Variants in LAMA3 observed in about 807,000 individuals in gnomAD.
LAMA3 encodes the protein laminin subunit alpha 3, also known as laminin subunit alpha-3.
LAMA3 carries 281 observed loss-of-function variants against 402.0 expected under a neutral mutation model. The ratio of observed to expected loss-of-function variants is 0.70; its 90% CI spans 0.63 to 0.77. The LOEUF (loss-of-function observed/expected upper bound fraction) is 0.77, where lower values mean the gene tolerates loss of function less well. Ranked by LOEUF, LAMA3 falls within the 30% of genes least tolerant of loss-of-function variation. The probability of loss-of-function intolerance (pLI) is 0.00; values close to 1 mark genes in which losing one functional copy is unlikely to be tolerated. For missense variants in LAMA3, 3,840 were observed against 4,215.5 expected, an observed-to-expected ratio of 0.91 and a Z score of 2.47; for synonymous variants, 1,431 against 1,558.4, an observed-to-expected ratio of 0.92 and a Z score of 1.93.
chr18:23,767,578 C>T (rs371394116), intron 8 of LAMA3, among the ~76,000 whole-genome samples: 20 of 125,758 alleles, frequency 1.6e-4, no homozygotes, highest in Middle Eastern at 4.2e-3. Context: ...TCTTTCTTTT[C>T]TTTTTTTTTT....
chr18:23,767,197 A>G (rs1437452061), intron 8 of LAMA3, among the ~76,000 whole-genome samples: 3 of 152,248 alleles, frequency 2.0e-5, no homozygotes, highest in Non-Finnish European at 2.9e-5. Context: ...ACAACTACAA[A>G]ATACTGACTG....
chr18:23,820,270 T>C (rs2063259569), intron 19 of LAMA3, among the ~76,000 whole-genome samples: 1 of 152,202 alleles, frequency 6.6e-6, no homozygotes, highest in Admixed American at 6.5e-5. Context: ...AGAAAAATAG[T>C]GTTTATCTCT....
chr18:23,927,379 G>T (rs1441053710), intron 62 of LAMA3, among the ~76,000 whole-genome samples: 2 of 152,084 alleles, frequency 1.3e-5, no homozygotes, highest in Admixed American at 1.3e-4. Flanking sequence ...ATGTTGACCA[G>T]CCTGATCTCG....
In LAMA3 at chr18:23,933,767, C is replaced by CT; in HGVS notation, c.8709-14dup. ...CCAAGTTTGGCAGCATCTTTCATTTCTGCTCTTTTTCCAGGTTATCACTGA... is the reference window on the plus strand; with the variant it reads ...CCAAGTTTGGCAGCATCTTTCATTTCTTGCTCTTTTTCCAGGTTATCACTGA... On this transcript the variant is annotated splice_polypyrimidine_tract_variant and intron_variant, in intron 66 of 74. Transcript: ENST00000313654. The CT allele has an allele frequency of 6.2e-7, 1 of 1,613,920 alleles. No individual in the cohort carries two copies. Among genetic ancestry groups the CT allele is most frequent in the East Asian group, 2.2e-5 (1 of 44,890 alleles).
At chr18:23,850,349 T>C (rs1025903659) in intron 32 of LAMA3, among the ~76,000 whole-genome samples, 1 of 152,252 alleles carries the variant, frequency 6.6e-6, no homozygotes, top group Non-Finnish European at 1.5e-5. Flanking sequence ...CAATACTCAC[T>C]CTTTACTTAG....
chr18:23,943,743 A>G (rs1280038470), intron 68 of LAMA3, 45 bp from the exon 69 acceptor site: 1 of 1,589,184 alleles, frequency 6.3e-7, no homozygotes, highest in Non-Finnish European at 8.6e-7. Context: ...ATTCGAAGGA[A>G]CGCTGAACAC....
intron 2 of LAMA3, among the ~76,000 whole-genome samples, chr18:23,726,713 G>A (rs1421305881): frequency 2.0e-5 from 3 of 152,276 alleles, no homozygotes; most frequent in Admixed American, 2.0e-4. Flanking sequence ...TGCCTCTCAG[G>A]TTCAAGCGAT....
chr18:23,883,014 AT>A (rs1416125616), intron 40 of LAMA3, among the ~76,000 whole-genome samples: 1 of 152,202 alleles, frequency 6.6e-6, no homozygotes, highest in Non-Finnish European at 1.5e-5. Context: ...CCATGGCAGT[AT>A]TTTGGCCACG....
rs541576166 is a variant in LAMA3 at position 23,929,653 on chromosome 18, G to A, written c.8436+888G>A. On this transcript the variant is annotated intron_variant, in intron 64 of 74. Coordinates refer to ENST00000313654, the MANE Select transcript of LAMA3 (RefSeq NM_198129.4). ...TCTTGGTGGCTGACTCTGTAGCTCT[G>A]TAATATCAGGAAGGCCACCCCTCTC... Among the ~76,000 whole-genome samples the A allele has an allele frequency of 2.0e-5, 3 of 152,204 alleles. No individual in the cohort carries two copies. The South Asian group carries it at 6.3e-4, about 32-fold the overall frequency.
chr18:23,713,835 A>C, intron 1 of LAMA3, 85 bp from the exon 2 acceptor site: 1 of 1,249,116 alleles, frequency 8.0e-7, no homozygotes, highest in Non-Finnish European at 1.1e-6. Flanking sequence ...GGTTCCCTGT[A>C]TTTGCTATAT....
intron 7 of LAMA3, among the ~76,000 whole-genome samples, chr18:23,762,960 G>A (rs1156940800): frequency 4.6e-5 from 7 of 152,050 alleles, no homozygotes; most frequent in Admixed American, 4.6e-4. Context: ...GGGTTCAAGC[G>A]ATTCTTCTGC....
Position 23,928,333 on chromosome 18 carries a change from T to C in LAMA3, c.8295+93T>C, listed in dbSNP as rs2082068235. ...GCAGCAACTTTTGACTTCTTTCTGA[T>C]AGCACACAGTGTTACAGTGAACTGG... On this transcript the variant is annotated intron_variant, in intron 63 of 74. Transcript: ENST00000313654. 6.1e-6 allele frequency: 5 copies of C among 824,456 alleles called. No homozygotes were observed. The Admixed American group carries it at 7.9e-5, about 13-fold the overall frequency. The allele number at this position is 824,456 out of a possible 1,614,324, so 51.1% of individuals were successfully genotyped here.
chr18:23,904,895 G>T (rs1015992991), intron 51 of LAMA3, among the ~76,000 whole-genome samples: 6 of 152,212 alleles, frequency 3.9e-5, no homozygotes, highest in South Asian at 2.1e-4. Context: ...AAAACTATGT[G>T]TAAAACCAGA....
At chr18:23,906,932 G>C (rs1186410342) in intron 52 of LAMA3, among the ~76,000 whole-genome samples, 1 of 152,166 alleles carries the variant, frequency 6.6e-6, no homozygotes, top group Non-Finnish European at 1.5e-5. Flanking sequence ...ATGACCCAAG[G>C]ATGGCAATAT....
chr18:23,716,159 A>G (rs2061094929), intron 2 of LAMA3, among the ~76,000 whole-genome samples: 2 of 151,808 alleles, frequency 1.3e-5, no homozygotes, highest in African/African-American at 2.4e-5. Context: ...TACCTACCAT[A>G]TCGATTTTTT....
intron 1 of LAMA3, among the ~76,000 whole-genome samples, chr18:23,712,638 A>T (rs2061017089): frequency 1.7e-5 from 2 of 121,148 alleles, no homozygotes; most frequent in African/African-American, 3.2e-5. Flanking sequence ...TAATGTCGAA[A>T]GATAAAGATC....
At chr18:23,909,529 T>C (rs2081363690) in intron 55 of LAMA3, among the ~76,000 whole-genome samples, 11 of 152,164 alleles carry the variant, frequency 7.2e-5, no homozygotes, top group Admixed American at 6.5e-4. Context: ...TTGCCCCCAT[T>C]GAGTTTATTC....
chr18:23,723,978 C>T (rs1319225135), intron 2 of LAMA3, among the ~76,000 whole-genome samples: 1 of 152,092 alleles, frequency 6.6e-6, no homozygotes, highest in African/African-American at 2.4e-5. Context: ...GTGCACCCGT[C>T]ACCCAAGCAG....
intron 1 of LAMA3, among the ~76,000 whole-genome samples, chr18:23,702,990 G>A (rs1346459224): frequency 2.0e-5 from 3 of 152,172 alleles, no homozygotes; most frequent in South Asian, 2.1e-4. Context: ...AAGGGGCCAC[G>A]TCTGGCACAT....
Sources: allele counts gnomAD v4.1 joint callset (sites outside exome capture counted in the v4.1 genomes callset), GRCh38; gene constraint gnomAD v4.1.1; transcripts MANE v1.5; gene names NCBI Gene and HGNC (gene_info 2026-07-23, HGNC 2026-07-21).